The following GRIN3B variants were observed in gnomAD, a reference collection of about 807,000 sequenced individuals.
The protein encoded by GRIN3B is glutamate ionotropic receptor NMDA type subunit 3B, also known as glutamate receptor ionotropic, NMDA 3B.
Under a neutral mutation model 66.0 loss-of-function variants are expected in GRIN3B, and 77 were observed. The observed-to-expected ratio is 1.17, with a 90% CI of 0.97 to 1.41. The LOEUF (loss-of-function observed/expected upper bound fraction) is 1.41. Ranked by LOEUF, GRIN3B falls within the 40% of genes most tolerant of loss-of-function variation. The probability of loss-of-function intolerance (pLI) is 0.00; values close to 1 mark genes in which losing one functional copy is unlikely to be tolerated. For missense variants in GRIN3B, 1,787 were observed against 1,564.5 expected (o/e 1.14, Z -2.40); for synonymous variants, 823 against 749.7 (o/e 1.10, Z -1.60).
intron 6 of GRIN3B, 106 bp from the exon 7 acceptor site, chr19:1,008,512 T>A (rs1192988245): frequency 1.5e-6 from 2 of 1,356,424 alleles, no homozygotes; most frequent in African/African-American, 2.9e-5. Context: ...CTGGCTCCAC[T>A]GCCCCAAGCC....
rs753816241 is a variant in GRIN3B at position 1,008,878 on chromosome 19, A to C, written c.2653A>C (p.Thr885Pro). Residue 885 changes from threonine (T) to proline (P), a missense_variant, in exon 8 of 9, where the codon ACG becomes CCG. Transcript: ENST00000234389. ...TSQKIHRALN[T>P]EPPEGSKEET... ...TTAGAAAATCCACCGCGCCCTCAACACGGAGCCACCAGAGGGGTCGAAGGA... is the reference window on the plus strand; with the variant it reads ...TTAGAAAATCCACCGCGCCCTCAACCCGGAGCCACCAGAGGGGTCGAAGGA... 1 of 1,609,910 alleles carries C rather than the reference A, an allele frequency of 6.2e-7. No individual in the cohort carries two copies. The highest frequency in any genetic ancestry group is 8.5e-7 in the Non-Finnish European group (1 of 1,178,576).
intron 2 of GRIN3B, 125 bp from the exon 3 acceptor site, chr19:1,004,396 G>A (rs372337826): frequency 7.9e-5 from 64 of 810,610 alleles, no homozygotes; most frequent in African/African-American, 5.3e-4. Context: ...CACCAGGAGC[G>A]TCCACGTTTG....
Position 1,005,396 on chromosome 19 carries a change from T to C in GRIN3B, c.1895T>C (p.Val632Ala), listed in dbSNP as rs750355849. The C allele has an allele frequency of 6.2e-7, 1 of 1,613,720 alleles. No individual in the cohort carries two copies. The highest frequency in any genetic ancestry group is 8.5e-7 in the Non-Finnish European group (1 of 1,179,982). ...LCYAILFRRT[V>A]SSKTPKCPTG... ...TACGCCATCCTCTTCAGACGCACCG[T>C]GTCCAGCAAGACGCCCAAGTGCCCC... The change falls in exon 3 of 9, where the codon GTG becomes GCG. Residue 632 changes from valine to alanine, a missense_variant. Val to Ala is a moderately conservative substitution (Grantham distance 64). Coordinates refer to ENST00000234389, the MANE Select transcript of GRIN3B (RefSeq NM_138690.3). The surrounding 1 kb of genome is among the most constrained non-coding windows in gnomAD (Gnocchi z 5.2).
Position 1,009,091 on chromosome 19 carries a change from C to T in GRIN3B, c.2703-82C>T, listed in dbSNP as rs1359349842. ...CCTGGTTGTGCCTGTCGGCCATCCT[C>T]TGCCGTCAGCGGCCTCTGCAGAGGC... On this transcript the variant is annotated intron_variant, in intron 8 of 8. Coordinates refer to ENST00000234389, the MANE Select transcript of GRIN3B (RefSeq NM_138690.3). 2.8e-6 allele frequency: 4 copies of T among 1,446,770 alleles called. No individual in the cohort carries two copies. The African/African-American group carries it at 5.7e-5, about 21-fold the overall frequency. The allele number at this position is 1,446,770 out of a possible 1,614,324, so 89.6% of individuals were successfully genotyped here.
chr19:1,006,099 C>G (rs2038745569), intron 3 of GRIN3B, among the ~76,000 whole-genome samples: 1 of 152,224 alleles, frequency 6.6e-6, no homozygotes, highest in African/African-American at 2.4e-5. Flanking sequence ...GTTCTCCCAC[C>G]TTGGCCTCCC....
chr19:1,007,346 C>T lies in GRIN3B; in HGVS notation c.2053-282C>T, dbSNP rs1013917346. 6.6e-6 allele frequency among the ~76,000 whole-genome samples: 1 copy of T among 151,966 alleles called. No individual in the cohort carries two copies. Among genetic ancestry groups the T allele is most frequent in the Non-Finnish European group, 1.5e-5 (1 of 67,938 alleles). Reference sequence around the variant, plus strand: ...GGTGGGATAGGCGTCCAGCCCAGGGCGAGGTCCAGGTGGAGATGGACTTGC... The same window carrying T: ...GGTGGGATAGGCGTCCAGCCCAGGGTGAGGTCCAGGTGGAGATGGACTTGC... On this transcript the variant is annotated intron_variant, in intron 3 of 8. Coordinates refer to ENST00000234389, the MANE Select transcript of GRIN3B (RefSeq NM_138690.3). The surrounding 1 kb of genome is among the most constrained non-coding windows in gnomAD (Gnocchi z 4.4).
chr19:1,003,442 C>G lies in GRIN3B; in HGVS notation c.739C>G (p.Arg247Gly). 1 of 1,540,618 alleles carries G rather than the reference C, an allele frequency of 6.5e-7. No homozygotes were observed. Among genetic ancestry groups the G allele is most frequent in the Non-Finnish European group, 8.7e-7 (1 of 1,148,238 alleles). The change falls in exon 2 of 9, where the codon CGG (arginine) becomes GGG (glycine). Residue 247 changes from arginine to glycine, a missense_variant. Arg to Gly is a moderately radical substitution (Grantham distance 125). Transcript: ENST00000234389. ...LLGCDIARAR[R>G]VLEAVPPGPH... ...CGGCTGTGACATCGCCCGTGCCCGT[C>G]GGGTGCTGGAGGCCGTACCTCCCGG...
In GRIN3B at chr19:1,000,876, C is replaced by T. The variant is rs1444757596; in HGVS notation, c.426+13C>T. On this transcript the variant is annotated intron_variant, in intron 1 of 8. Transcript: ENST00000234389. ...CCTCGGAGCCCCGGTACGCGGGACG[C>T]CCGGAGTCAGGACGAGGGGGACCCG... The T allele has an allele frequency of 1.3e-4, 180 of 1,393,772 alleles. No homozygotes were observed. Among genetic ancestry groups the T allele is most frequent in the Non-Finnish European group, 1.6e-4 (173 of 1,078,212 alleles). 86.3% of individuals were successfully genotyped at this position (1,393,772 alleles called of 1,614,324 possible).
Position 1,009,233 on chromosome 19 carries a change from G to C in GRIN3B, c.2763G>C (p.Trp921Cys), listed in dbSNP as rs1266585738. 15 of 1,456,948 alleles carry C rather than the reference G, an allele frequency of 1.0e-5. No individual in the cohort carries two copies. The highest frequency in any genetic ancestry group is 1.3e-5 in the Non-Finnish European group (14 of 1,116,302). 90.3% of individuals were successfully genotyped at this position (1,456,948 alleles called of 1,614,324 possible). The change falls in exon 9 of 9, where the codon TGG (tryptophan) becomes TGC (cysteine). Residue 921 changes from tryptophan (W) to cysteine (C), a missense_variant. Transcript: ENST00000234389. ...ACCAGCCAACGGCTCCGGAGGGCTGGAAACGGGCGCGCCGGGCCGTGGACA... is the reference window on the plus strand; with the variant it reads ...ACCAGCCAACGGCTCCGGAGGGCTGCAAACGGGCGCGCCGGGCCGTGGACA... ...QQDQPTAPEG[W>C]KRARRAVDKE...
intron 2 of GRIN3B, 22 bp from the exon 3 acceptor site, chr19:1,004,499 A>ACGCCC: frequency 2.1e-5 from 32 of 1,526,542 alleles, no homozygotes; most frequent in East Asian, 2.5e-5. Flanking sequence ...GACACCTGAC[A>ACGCCC]CCCCCCCCGC....
At chr19:1,006,644 C>T (rs575996541) in intron 3 of GRIN3B, among the ~76,000 whole-genome samples, 8 of 152,258 alleles carry the variant, frequency 5.3e-5, no homozygotes, top group South Asian at 2.1e-4. Flanking sequence ...TTTTCTGCCC[C>T]GTAGTGTCTC....
chr19:1,009,533 C>T lies in GRIN3B; in HGVS notation c.3063C>T (p.Arg1021=), dbSNP rs920206022. ...ACAGCGCACGTCACCGGCCTCGGCG[C>T]TTGCTTCAGGCCAGAGCGGCCCCCG... is the stretch of plus-strand genomic sequence containing the variant. ...LGDSARHRPR[R]LLQARAAPAE... is the part of the protein sequence containing the mutation. Residue 1021 remains arginine, a synonymous_variant, in exon 9 of 9, where the codon CGC becomes CGT. Coordinates refer to ENST00000234389, the MANE Select transcript of GRIN3B (RefSeq NM_138690.3). 1 of 1,487,998 alleles carries T rather than the reference C, an allele frequency of 6.7e-7. No homozygotes were observed. Among genetic ancestry groups the T allele is most frequent in the Non-Finnish European group, 8.9e-7 (1 of 1,124,352 alleles). 92.2% of individuals were successfully genotyped at this position (1,487,998 alleles called of 1,614,324 possible). A position where few individuals can be genotyped will look rare whatever the true frequency, so the allele number is the denominator to read the frequency against.
At chr19:1,004,175 G>T (rs925598129) in intron 2 of GRIN3B, among the ~76,000 whole-genome samples, 3 of 152,200 alleles carry the variant, frequency 2.0e-5, no homozygotes, top group African/African-American at 7.2e-5. Context: ...AGCAGAGAAC[G>T]AGCTGAACAA....
intron 1 of GRIN3B, among the ~76,000 whole-genome samples, chr19:1,001,145 C>T (rs958138775): frequency 6.6e-6 from 1 of 152,168 alleles, no homozygotes; most frequent in Non-Finnish European, 1.5e-5. Context: ...CCCTTCCCAG[C>T]GCCCTGGTGA....
At position 1,008,602 on chromosome 19, in the gene GRIN3B, G is replaced by C; in HGVS notation, c.2467-16G>C. 6.3e-7 allele frequency: 1 copy of C among 1,593,096 alleles called. No homozygotes were observed. Reference sequence around the variant, plus strand: ...CATTACGTGACCGTGCGGGGCTCCTGCTGTGTTGCCCCCAGACCCTGCAGA... The same window carrying C: ...CATTACGTGACCGTGCGGGGCTCCTCCTGTGTTGCCCCCAGACCCTGCAGA... On this transcript the variant is annotated splice_polypyrimidine_tract_variant and intron_variant, in intron 6 of 8. Coordinates refer to ENST00000234389, the MANE Select transcript of GRIN3B (RefSeq NM_138690.3).
At chr19:1,006,271 C>A (rs1277767069) in intron 3 of GRIN3B, among the ~76,000 whole-genome samples, 1 of 152,084 alleles carries the variant, frequency 6.6e-6, no homozygotes. Context: ...GCCTCAGCCT[C>A]CCAAGTAGCT....
rs1346040994 is a variant in GRIN3B, at chr19:1,000,806, C to T, written c.369C>T (p.Thr123=). The T allele has an allele frequency of 1.4e-6, 2 of 1,447,262 alleles. No individual in the cohort carries two copies. Among genetic ancestry groups the T allele is most frequent in the African/African-American group, 1.5e-5 (1 of 66,912 alleles). The allele number at this position is 1,447,262 out of a possible 1,614,324, so 89.7% of individuals were successfully genotyped here. Residue 123 remains threonine, a synonymous_variant, in exon 1 of 9, where the codon ACC becomes ACT. Coordinates refer to ENST00000234389, the MANE Select transcript of GRIN3B (RefSeq NM_138690.3). ...AGCTGCACTTCCTGGCGGCGGCCACCGAGACCCCCGTGCTCAGCCTGCTGC... is the reference window on the plus strand; with the variant it reads ...AGCTGCACTTCCTGGCGGCGGCCACTGAGACCCCCGTGCTCAGCCTGCTGC... ...LLQLHFLAAA[T]ETPVLSLLRR...
In GRIN3B at chr19:1,009,503, C is replaced by A. The variant is rs1264826532; in HGVS notation, c.3033C>A (p.Leu1011=). Residue 1011 remains leucine (L), a synonymous_variant, in exon 9 of 9, where the codon CTC becomes CTA. Transcript: ENST00000234389. Reference sequence around the variant, plus strand: ...GGCGCGGCCAGCTCCTGGCACAGCTCGGGGACAGCGCACGTCACCGGCCTC... The same window carrying A: ...GGCGCGGCCAGCTCCTGGCACAGCTAGGGGACAGCGCACGTCACCGGCCTC... ...LVRRGQLLAQ[L]GDSARHRPRR... is the part of the protein sequence containing the mutation. 5 of 1,495,670 alleles carry A rather than the reference C, an allele frequency of 3.3e-6. No homozygotes were observed. The highest frequency in any genetic ancestry group is 4.4e-6 in the Non-Finnish European group (5 of 1,128,658). 92.6% of individuals were successfully genotyped at this position (1,495,670 alleles called of 1,614,324 possible).
In GRIN3B at chr19:1,000,753, T is replaced by C; in HGVS notation, c.316T>C (p.Phe106Leu). ...TCCGGGCGTGGCGGCCCTGCTCGCC[T>C]TTCCCGAGGCTCGGCCCGAGCTGCT... ...VPPGVAALLA[F>L]PEARPELLQL... The change falls in exon 1 of 9, where the codon TTT becomes CTT. Residue 106 changes from phenylalanine (F) to leucine (L), a missense_variant. By Grantham distance (22) the Phe-to-Leu change is conservative (BLOSUM62 0). Transcript: ENST00000234389. 6.9e-7 allele frequency: 1 copy of C among 1,444,476 alleles called. No homozygotes were observed. The allele number at this position is 1,444,476 out of a possible 1,614,324, so 89.5% of individuals were successfully genotyped here.
Sources: allele counts gnomAD v4.1 joint callset (sites outside exome capture counted in the v4.1 genomes callset), GRCh38; gene constraint gnomAD v4.1.1; non-coding constraint Gnocchi (gnomAD v3.1); transcripts MANE v1.5; gene names NCBI Gene and HGNC (gene_info 2026-07-23, HGNC 2026-07-21).